The following LRRIQ3 variants were observed in gnomAD, a reference collection of about 807,000 sequenced individuals.
The protein encoded by LRRIQ3 is leucine-rich repeat and IQ domain-containing protein 3.
LRRIQ3 carries 75 observed loss-of-function variants against 59.3 expected under a neutral mutation model. The observed-to-expected ratio is 1.26, with a 90% CI of 1.05 to 1.53. The LOEUF is 1.53. Ranked by LOEUF, LRRIQ3 falls within the 40% of genes most tolerant of loss-of-function variation. The pLI, the probability that LRRIQ3 is intolerant of heterozygous loss-of-function variation, is 0.00. For missense variants in LRRIQ3, 831 were observed against 710.0 expected (o/e 1.17, Z -1.94); for synonymous variants, 250 against 231.3 (o/e 1.08, Z -0.73).
chr1:74,170,177 T>C (rs1292044045), intron 3 of LRRIQ3, among the ~76,000 whole-genome samples: 1 of 152,182 alleles, frequency 6.6e-6, no homozygotes, highest in Non-Finnish European at 1.5e-5. Context: ...AGCTTTTTAG[T>C]TTGATGTAGT....
At chr1:74,067,384 GAGTT>G (rs1266224213) in intron 6 of LRRIQ3, among the ~76,000 whole-genome samples, 2 of 152,058 alleles carry the variant, frequency 1.3e-5, no homozygotes, top group African/African-American at 4.8e-5. Flanking sequence ...TTTCCGTGTG[GAGTT>G]AGTTCTCTTG....
chr1:74,160,294 T>C (rs1648584495), intron 3 of LRRIQ3, among the ~76,000 whole-genome samples: 1 of 152,116 alleles, frequency 6.6e-6, no homozygotes, highest in Admixed American at 6.6e-5. Context: ...CCTTTGCAAA[T>C]GCTTTCCACT....
intron 6 of LRRIQ3, chr1:74,050,542 T>A: frequency 1.0e-6 from 1 of 985,454 alleles, no homozygotes; most frequent in East Asian, 1.1e-4. Flanking sequence ...TGTTTGATTC[T>A]TCTGAACGTA....
At chr1:74,108,901 G>C (rs965758422) in intron 5 of LRRIQ3, 1 of 406,810 alleles carries the variant, frequency 2.5e-6, no homozygotes, top group Non-Finnish European at 4.9e-6. Flanking sequence ...TGGTGCTACA[G>C]AGAATAAGTT....
At chr1:74,074,108 C>T (rs2100478426) in intron 6 of LRRIQ3, among the ~76,000 whole-genome samples, 1 of 152,204 alleles carries the variant, frequency 6.6e-6, no homozygotes, top group African/African-American at 2.4e-5. Flanking sequence ...CTGACATAGC[C>T]ATACAGTAAC....
chr1:74,038,429 C>A (rs894825415), intron 7 of LRRIQ3, among the ~76,000 whole-genome samples: 3 of 152,300 alleles, frequency 2.0e-5, no homozygotes, highest in South Asian at 4.1e-4. Flanking sequence ...GGGTTTCCCC[C>A]CCAGCAAAAC....
At chr1:74,132,368 A>C (rs1177593203) in intron 4 of LRRIQ3, among the ~76,000 whole-genome samples, 2 of 152,170 alleles carry the variant, frequency 1.3e-5, no homozygotes, top group African/African-American at 2.4e-5. Flanking sequence ...AAACTACTTT[A>C]AAGTTCATAT....
chr1:74,087,628 T>C (rs555569846), intron 5 of LRRIQ3, among the ~76,000 whole-genome samples: 2 of 152,184 alleles, frequency 1.3e-5, no homozygotes, highest in South Asian at 2.1e-4. Context: ...TTAGTACTTA[T>C]GTAAAAACAA....
At chr1:74,180,666 C>A in intron 3 of LRRIQ3, 3 of 1,516,734 alleles carry the variant, frequency 2.0e-6, no homozygotes, top group South Asian at 1.2e-5. Flanking sequence ...CACTGTCTGT[C>A]ATTTGTGATG....
intron 5 of LRRIQ3, among the ~76,000 whole-genome samples, chr1:74,094,618 C>A (rs1312773594): frequency 6.6e-6 from 1 of 152,060 alleles, no homozygotes; most frequent in African/African-American, 2.4e-5. Flanking sequence ...CCATTTTAAG[C>A]CACCAAATTT....
At chr1:74,109,690 T>C (rs1646666379) in intron 4 of LRRIQ3, 137 bp from the exon 5 acceptor site, 4 of 608,366 alleles carry the variant, frequency 6.6e-6, no homozygotes, top group Non-Finnish European at 1.0e-5. Context: ...TTCATAGTAG[T>C]GTTATATAAT....
chr1:74,111,481 T>C (rs1284570786), intron 4 of LRRIQ3, among the ~76,000 whole-genome samples: 1 of 152,016 alleles, frequency 6.6e-6, no homozygotes, highest in Non-Finnish European at 1.5e-5. Flanking sequence ...GTCACTGAGA[T>C]GGAAAGTCAT....
chr1:74,122,422 G>A (rs1646872940), intron 4 of LRRIQ3, among the ~76,000 whole-genome samples: 1 of 151,990 alleles, frequency 6.6e-6, no homozygotes, highest in Non-Finnish European at 1.5e-5. Flanking sequence ...ACTTTTTGAT[G>A]GGGTTGTTTT....
At position 74,081,246 on chromosome 1, in the gene LRRIQ3, T is replaced by C. The variant is rs943778528; in HGVS notation, c.868-6456A>G. On this transcript the variant is annotated intron_variant, in intron 5 of 7. Transcript: ENST00000354431. ...AATAAAAGAAATGTGACATTTCTCT[T>C]CTACACACAACTTAGCCAAGAAATG... is the stretch of plus-strand genomic sequence containing the variant. Among the ~76,000 whole-genome samples, 7 of 151,740 alleles carry C rather than the reference T, an allele frequency of 4.6e-5. No individual in the cohort carries two copies. In the South Asian group the frequency reaches 8.3e-4, roughly 18 times the overall value.
intron 7 of LRRIQ3, among the ~76,000 whole-genome samples, chr1:74,036,539 C>A (rs888089390): frequency 6.6e-6 from 1 of 152,158 alleles, no homozygotes; most frequent in African/African-American, 2.4e-5. Context: ...TCTTGCTAAT[C>A]TGTCTTTATT....
intron 4 of LRRIQ3, among the ~76,000 whole-genome samples, chr1:74,139,747 T>C (rs1282181893): frequency 6.6e-6 from 1 of 151,780 alleles, no homozygotes. Flanking sequence ...TTATAACCCA[T>C]AGATAAAATT....
At chr1:74,168,092 C>T (rs1649100502) in intron 3 of LRRIQ3, among the ~76,000 whole-genome samples, 1 of 151,896 alleles carries the variant, frequency 6.6e-6, no homozygotes, top group African/African-American at 2.4e-5. Context: ...ATGTCAATTA[C>T]ATACTATTGG....
At chr1:74,043,915 T>G (rs1654122478) in intron 6 of LRRIQ3, among the ~76,000 whole-genome samples, 1 of 152,138 alleles carries the variant, frequency 6.6e-6, no homozygotes, top group South Asian at 2.1e-4. Context: ...TTGCTTCTAT[T>G]ATTTTAAGTT....
At chr1:74,119,199 A>G (rs1414602192) in intron 4 of LRRIQ3, among the ~76,000 whole-genome samples, 1 of 152,166 alleles carries the variant, frequency 6.6e-6, no homozygotes, top group Non-Finnish European at 1.5e-5. Flanking sequence ...CCTTTCTCTT[A>G]AATCCTTATA....
Sources: allele counts gnomAD v4.1 joint callset (sites outside exome capture counted in the v4.1 genomes callset), GRCh38; gene constraint gnomAD v4.1.1; transcripts MANE v1.5; gene names NCBI Gene and HGNC (gene_info 2026-07-23, HGNC 2026-07-21).